ARK2C: variants seen among roughly 807,000 people sequenced by gnomAD.
The protein encoded by ARK2C is E3 ubiquitin-protein ligase ARK2C.
chr18:46,460,266 A>G, the ARK2C span: 1 of 151,080 alleles, frequency 6.6e-6, no homozygotes, highest in African/African-American at 2.4e-5. Flanking sequence ...CGGGACAAAC[A>G]CTCCCTGCGT....
the ARK2C span, among the ~76,000 whole-genome samples, chr18:46,365,857 G>A: frequency 6.6e-6 from 1 of 152,152 alleles, no homozygotes; most frequent in Admixed American, 6.5e-5. Flanking sequence ...GGGTGAGGGT[G>A]TGGGCAAGGA....
At chr18:46,348,235 G>T in the ARK2C span, among the ~76,000 whole-genome samples, 14 of 151,504 alleles carry the variant, frequency 9.2e-5, no homozygotes, top group Non-Finnish European at 1.5e-4. Flanking sequence ...GGGCTGGGGG[G>T]GGTGAGGGGA....
At chr18:46,337,711 T>A in the ARK2C span, 69 of 710,682 alleles carry the variant, frequency 9.7e-5, no homozygotes, top group Non-Finnish European at 1.1e-4. Context: ...CTGTTTAGAT[T>A]TTCCCCCCTT....
the ARK2C span, among the ~76,000 whole-genome samples, chr18:46,367,157 T>C: frequency 2.0e-5 from 3 of 152,132 alleles, no homozygotes; most frequent in African/African-American, 7.2e-5. Flanking sequence ...TTCTTACGGA[T>C]GAAGAGTTTT....
chr18:46,386,541 C>G, the ARK2C span: 2 of 139,692 alleles, frequency 1.4e-5, no homozygotes, highest in Non-Finnish European at 3.1e-5. Flanking sequence ...GTCTTGACCC[C>G]CCATCAATCC....
the ARK2C span, among the ~76,000 whole-genome samples, chr18:46,368,853 T>C: frequency 1.3e-5 from 2 of 152,360 alleles, no homozygotes; most frequent in East Asian, 1.9e-4. Context: ...GATGACAATG[T>C]CTACCTGATA....
At chr18:46,434,755 G>A in the ARK2C span, among the ~76,000 whole-genome samples, 1 of 152,166 alleles carries the variant, frequency 6.6e-6, no homozygotes, top group Non-Finnish European at 1.5e-5. Context: ...GATAGAAGGT[G>A]AGCGCTGTAG....
At chr18:46,379,665 G>A in the ARK2C span, among the ~76,000 whole-genome samples, 1 of 152,182 alleles carries the variant, frequency 6.6e-6, no homozygotes, top group African/African-American at 2.4e-5. Context: ...CACCAACTGC[G>A]AAAGTGTGGC....
At chr18:46,414,008 A>G in the ARK2C span, among the ~76,000 whole-genome samples, 1 of 152,206 alleles carries the variant, frequency 6.6e-6, no homozygotes, top group South Asian at 2.1e-4. Flanking sequence ...AATGTTTGCT[A>G]TAATGTCCTT....
the ARK2C span, chr18:46,450,549 G>A: frequency 1.6e-5 from 13 of 802,446 alleles, no homozygotes; most frequent in East Asian, 3.4e-4. Context: ...GGGAGAGCCA[G>A]TAGAGATATT....
At chr18:46,388,512 C>T in the ARK2C span, among the ~76,000 whole-genome samples, 1 of 152,192 alleles carries the variant, frequency 6.6e-6, no homozygotes, top group East Asian at 1.9e-4. Context: ...AAGACACACA[C>T]AACTCTGTTT....
the ARK2C span, among the ~76,000 whole-genome samples, chr18:46,419,977 A>G: frequency 9.9e-5 from 15 of 151,910 alleles, no homozygotes; most frequent in African/African-American, 3.1e-4. Flanking sequence ...CCCCTCCCCA[A>G]TACCCCAGAG....
chr18:46,437,471 T>A, the ARK2C span, among the ~76,000 whole-genome samples: 2 of 152,162 alleles, frequency 1.3e-5, no homozygotes, highest in South Asian at 4.1e-4. Context: ...GCATCCCCTA[T>A]CCCCTTTAGA....
At chr18:46,352,131 G>A in the ARK2C span, among the ~76,000 whole-genome samples, 1 of 152,138 alleles carries the variant, frequency 6.6e-6, no homozygotes, top group Non-Finnish European at 1.5e-5. Context: ...GACAGCCTTT[G>A]CAGGGCTCTG....
chr18:46,461,917 G>A, the ARK2C span: 1 of 152,268 alleles, frequency 6.6e-6, no homozygotes, highest in Non-Finnish European at 1.5e-5. Context: ...TAGAGATAGG[G>A]ATGGGGTAGG....
chr18:46,374,110 C>T, the ARK2C span, among the ~76,000 whole-genome samples: 1 of 152,328 alleles, frequency 6.6e-6, no homozygotes, highest in South Asian at 2.1e-4. Flanking sequence ...CCAGGGGTCC[C>T]CTTATGGAAA....
At chr18:46,450,512 C>T in the ARK2C span, 10 of 909,648 alleles carry the variant, frequency 1.1e-5, no homozygotes, top group East Asian at 2.3e-4. Context: ...CAGGAAGCTT[C>T]AGGGTTAAGA....
chr18:46,462,650 C>G, the ARK2C span: 1 of 152,646 alleles, frequency 6.6e-6, no homozygotes, highest in African/African-American at 2.4e-5. Context: ...GCACGACCAC[C>G]ACACTGCTGG....
chr18:46,441,614 C>T, the ARK2C span, among the ~76,000 whole-genome samples: 8 of 152,114 alleles, frequency 5.3e-5, no homozygotes, highest in South Asian at 1.5e-3. Flanking sequence ...TCAGGCCAGG[C>T]GCGGTGGCTC....
Sources: allele counts gnomAD v4.1 joint callset (sites outside exome capture counted in the v4.1 genomes callset), GRCh38; gene constraint gnomAD v4.1.1; transcripts MANE v1.5; gene names NCBI Gene and HGNC (gene_info 2026-07-23, HGNC 2026-07-21).